The following EIF4ENIF1 variants were observed in gnomAD, a reference collection of about 807,000 sequenced individuals.
EIF4ENIF1 encodes the protein eukaryotic translation initiation factor 4E nuclear import factor 1.
A neutral mutation model predicts 110.5 loss-of-function variants in EIF4ENIF1; 23 were observed. The ratio of observed to expected loss-of-function variants is 0.21; its 90% CI spans 0.15 to 0.29. The LOEUF is 0.29. Among genes scored for constraint, EIF4ENIF1 ranks in the 10% least tolerant of loss-of-function variants. EIF4ENIF1 has a pLI of 1.00. For missense variants in EIF4ENIF1, 1,031 were observed against 1,221.1 expected, an observed-to-expected ratio of 0.84 and a Z score of 2.32; for synonymous variants, 440 against 437.0, an observed-to-expected ratio of 1.01 and a Z score of -0.09.
chr22:31,447,804 C>A (rs879165028), intron 13 of EIF4ENIF1, among the ~76,000 whole-genome samples: 2 of 152,174 alleles, frequency 1.3e-5, no homozygotes, highest in Admixed American at 1.3e-4. Context: ...AAAACCATTT[C>A]TTTTAGAGAC....
intron 10 of EIF4ENIF1, 96 bp from the exon 11 acceptor site, chr22:31,450,456 G>C: frequency 1.1e-6 from 1 of 927,420 alleles, no homozygotes; most frequent in South Asian, 1.4e-5. Flanking sequence ...TACTCCTAGG[G>C]AGTTAATAGC....
At chr22:31,453,375 A>AC (rs1491134189) in intron 10 of EIF4ENIF1, 4 of 355,604 alleles carry the variant, frequency 1.1e-5, no homozygotes, top group African/African-American at 9.2e-5. Context: ...AACCCATCTT[A>AC]CTTTTTTTTT....
At position 31,466,319 on chromosome 22, in the gene EIF4ENIF1, G is replaced by A. The variant is rs553647278; in HGVS notation, c.298+1856C>T. Among the ~76,000 whole-genome samples, 42 of 152,086 alleles carry A rather than the reference G, an allele frequency of 2.8e-4. No homozygotes were observed. The South Asian group carries it at 4.6e-3, about 17-fold the overall frequency. On this transcript the variant is annotated intron_variant, in intron 4 of 18. Coordinates refer to ENST00000330125, the MANE Select transcript of EIF4ENIF1 (RefSeq NM_019843.4). Reference sequence around the variant, plus strand: ...TCCCAGCTACTTGGGAGGCTGAGGCGCGACAATCGCTTGAACCCGGGAGGC... The same window carrying A: ...TCCCAGCTACTTGGGAGGCTGAGGCACGACAATCGCTTGAACCCGGGAGGC...
intron 2 of EIF4ENIF1, among the ~76,000 whole-genome samples, chr22:31,477,925 T>C (rs1287670183): frequency 1.3e-5 from 2 of 152,228 alleles, no homozygotes; most frequent in Non-Finnish European, 1.5e-5. Context: ...ACCTCCCATT[T>C]GAAACCATAT....
chr22:31,479,262 G>A (rs1201890248), intron 2 of EIF4ENIF1: 2 of 151,978 alleles, frequency 1.3e-5, no homozygotes, highest in South Asian at 2.1e-4. Context: ...GTAGAGATGC[G>A]GTTTCATCAT....
rs1165415557 is a variant in EIF4ENIF1 at position 31,442,987 on chromosome 22, T to C, written c.2181A>G (p.Lys727=). The part of the protein sequence containing the change: ...ASGKAALGDS[K]EDTQKASEEN... ...CTTCACTGGCCTTCTGAGTATCCTC[T>C]TTACTGTCACCAAGAGCTGCTTTTC... is the stretch of plus-strand genomic sequence containing the variant. Residue 727 remains lysine, a synonymous_variant, in exon 16 of 19, where the codon AAA becomes AAG. Coordinates refer to ENST00000330125, the MANE Select transcript of EIF4ENIF1 (RefSeq NM_019843.4). 4 of 1,614,108 alleles carry C rather than the reference T, an allele frequency of 2.5e-6. No homozygotes were observed. Among genetic ancestry groups the C allele is most frequent in the Non-Finnish European group, 3.4e-6 (4 of 1,179,966 alleles).
chr22:31,463,053 G>T lies in EIF4ENIF1; in HGVS notation c.666C>A (p.Phe222Leu). Residue 222 changes from phenylalanine to leucine, a missense_variant, in exon 6 of 19, where the codon TTC becomes TTA. Around this residue, in one of 3 missense-constraint regions of EIF4ENIF1, gnomAD observed 704 missense variants for 879.7 expected, o/e 0.80. Coordinates refer to ENST00000330125, the MANE Select transcript of EIF4ENIF1 (RefSeq NM_019843.4). The stretch of plus-strand genomic sequence containing the variant: ...CAGACTGACTTGTGGGTCCAGCAGA[G>T]AACCACTCTGGTTCTTCTTCTGTGT... ...DSYTEEEPEW[F>L]SAGPTSQSET... 6.2e-7 allele frequency: 1 copy of T among 1,614,162 alleles called. No individual in the cohort carries two copies. The highest frequency in any genetic ancestry group is 1.1e-5 in the South Asian group (1 of 91,080).
intron 17 of EIF4ENIF1, among the ~76,000 whole-genome samples, chr22:31,441,273 C>A (rs970124537): frequency 6.6e-6 from 1 of 151,414 alleles, no homozygotes; most frequent in Non-Finnish European, 1.5e-5. Context: ...TTCTCTGGCT[C>A]ACGCCTGTAA....
intron 2 of EIF4ENIF1, among the ~76,000 whole-genome samples, chr22:31,476,769 G>A (rs2051586427): frequency 6.6e-6 from 1 of 151,952 alleles, no homozygotes; most frequent in Non-Finnish European, 1.5e-5. Flanking sequence ...CTGGGAGGCA[G>A]AGGTTGCAGT....
chr22:31,441,961 A>G lies in EIF4ENIF1; in HGVS notation c.2364T>C (p.Thr788=), dbSNP rs2050314634. 2 of 1,614,036 alleles carry G rather than the reference A, an allele frequency of 1.2e-6. No individual in the cohort carries two copies. The highest frequency in any genetic ancestry group is 1.3e-5 in the African/African-American group (1 of 74,908). The change falls in exon 17 of 19, where the codon ACT becomes ACC. Residue 788 remains threonine, a synonymous_variant. Coordinates refer to ENST00000330125, the MANE Select transcript of EIF4ENIF1 (RefSeq NM_019843.4). ...TKEQDYRPKA[T]GRKTPTLASP... Reference sequence around the variant, plus strand: ...ATGCCAAGGTGGGTGTTTTTCTCCCAGTTGCTTTAGGTCGATAATCTTGTT... The same window carrying G: ...ATGCCAAGGTGGGTGTTTTTCTCCCGGTTGCTTTAGGTCGATAATCTTGTT...
intron 2 of EIF4ENIF1, among the ~76,000 whole-genome samples, chr22:31,481,712 C>A (rs1421770604): frequency 1.3e-5 from 2 of 152,158 alleles, no homozygotes; most frequent in African/African-American, 4.8e-5. Context: ...ACTTCAACTG[C>A]TTGTCCATTT....
chr22:31,456,626 T>C (rs570193548), intron 7 of EIF4ENIF1, among the ~76,000 whole-genome samples: 20 of 152,354 alleles, frequency 1.3e-4, no homozygotes, highest in African/African-American at 4.8e-4. Flanking sequence ...GTGATTCTTA[T>C]GCCTCAGGCT....
In EIF4ENIF1 at chr22:31,455,281, G is replaced by T; in HGVS notation, c.1134C>A (p.Asn378Lys). 6.2e-7 allele frequency: 1 copy of T among 1,610,644 alleles called. No homozygotes were observed. The highest frequency in any genetic ancestry group is 8.5e-7 in the Non-Finnish European group (1 of 1,178,576). Reference sequence around the variant, plus strand: ...GTATAGGAGCAAAGTAATTCCCCGAGTTCTGTCCAGGAGAGAGGATGGCTT... The same window carrying T: ...GTATAGGAGCAAAGTAATTCCCCGATTTCTGTCCAGGAGAGAGGATGGCTT... ...LEQAILSPGQ[N>K]SGNYFAPIPL... is the part of the protein sequence containing the mutation. Residue 378 changes from asparagine (N) to lysine (K), a missense_variant, in exon 9 of 19, where the codon AAC (asparagine) becomes AAA (lysine). Physicochemically the swap from Asn to Lys is moderately conservative, Grantham distance 94. This residue lies in a region of EIF4ENIF1 where 704 missense variants were observed against 879.7 expected (regional missense o/e 0.80). Transcript: ENST00000330125.
At chr22:31,476,040 G>A (rs1358668208) in intron 2 of EIF4ENIF1, among the ~76,000 whole-genome samples, 2 of 151,856 alleles carry the variant, frequency 1.3e-5, no homozygotes, top group Non-Finnish European at 2.9e-5. Context: ...AGGACAAGAG[G>A]GCTTAAAATT....
intron 6 of EIF4ENIF1, chr22:31,461,918 C>T (rs1346720028): frequency 6.6e-6 from 1 of 150,818 alleles, no homozygotes; most frequent in Non-Finnish European, 1.5e-5. Context: ...TCCATTTGCT[C>T]ATCTATGAAA....
chr22:31,474,465 T>C (rs1427537939), intron 2 of EIF4ENIF1, among the ~76,000 whole-genome samples: 1 of 151,828 alleles, frequency 6.6e-6, no homozygotes, highest in African/African-American at 2.4e-5. Flanking sequence ...AACTGGCCCA[T>C]GTGTCTTTTT....
chr22:31,450,440 A>G (rs2050611461), intron 10 of EIF4ENIF1, 80 bp from the exon 11 acceptor site: 1 of 1,131,594 alleles, frequency 8.8e-7, no homozygotes, highest in Admixed American at 1.8e-5. Flanking sequence ...ACAAGAAAGC[A>G]TAAAATACTC....
intron 9 of EIF4ENIF1, 97 bp downstream of exon 9, chr22:31,455,039 C>T: frequency 9.3e-7 from 1 of 1,071,826 alleles, no homozygotes. Flanking sequence ...ATATATTTGA[C>T]TTTTTATGAA....
At chr22:31,452,226 G>A (rs1371313116) in intron 10 of EIF4ENIF1, among the ~76,000 whole-genome samples, 1 of 152,200 alleles carries the variant, frequency 6.6e-6, no homozygotes, top group East Asian at 1.9e-4. Flanking sequence ...CACAGCAGTA[G>A]TAATTAAAGA....
Sources: gnomAD v4.1 joint callset for allele counts (sites outside exome capture counted in the v4.1 genomes callset) on GRCh38, gnomAD v4.1.1 for gene constraint, gnomAD v4.1.1 regional missense constraint, MANE v1.5 for transcripts, NCBI Gene and HGNC (gene_info 2026-07-23, HGNC 2026-07-21) for gene names.